NPAS3: variants seen among roughly 807,000 people sequenced by gnomAD.
NPAS3 encodes the protein neuronal PAS domain protein 3, also known as neuronal PAS domain-containing protein 3.
A neutral mutation model predicts 73.1 loss-of-function variants in NPAS3; 14 were observed. The observed-to-expected ratio is 0.19, with a 90% CI of 0.13 to 0.30. The LOEUF is 0.30. Ranked by LOEUF, NPAS3 falls within the 10% of genes least tolerant of loss-of-function variation. The probability of loss-of-function intolerance (pLI) is 1.00; values close to 1 mark genes in which losing one functional copy is unlikely to be tolerated. For missense variants in NPAS3, 1,096 were observed against 1,250.0 expected (o/e 0.88, Z 1.86); for synonymous variants, 620 against 541.5 (o/e 1.14, Z -2.01).
At chr14:33,171,046 T>G (rs1401854814) in intron 2 of NPAS3, among the ~76,000 whole-genome samples, 1 of 152,232 alleles carries the variant, frequency 6.6e-6, no homozygotes, top group African/African-American at 2.4e-5. Flanking sequence ...ATGCATTTTT[T>G]AAGTAGTAAG....
chr14:33,776,584 A>C (rs1479908651), intron 8 of NPAS3, among the ~76,000 whole-genome samples: 1 of 142,560 alleles, frequency 7.0e-6, no homozygotes, highest in Non-Finnish European at 1.5e-5. Context: ...CCCCTTTATT[A>C]GCCAATACAA....
intron 9 of NPAS3, among the ~76,000 whole-genome samples, chr14:33,779,067 A>G (rs888875854): frequency 5.3e-5 from 8 of 152,256 alleles, no homozygotes; most frequent in Admixed American, 6.5e-5. Context: ...TTGTGTGGAC[A>G]CAGCAGCTCT....
intron 2 of NPAS3, among the ~76,000 whole-genome samples, chr14:33,084,221 A>G (rs1404803015): frequency 2.6e-5 from 4 of 152,238 alleles, no homozygotes; most frequent in African/African-American, 9.6e-5. Context: ...AGTTTGAATT[A>G]AGGCTAGTCC....
chr14:33,445,930 C>T (rs933823810), intron 4 of NPAS3, among the ~76,000 whole-genome samples: 2 of 122,954 alleles, frequency 1.6e-5, no homozygotes, highest in Non-Finnish European at 3.3e-5. Flanking sequence ...AGGAGTGTTG[C>T]ACTTTTTTTT....
intron 9 of NPAS3, among the ~76,000 whole-genome samples, chr14:33,784,155 C>T (rs540267311): frequency 6.6e-6 from 1 of 152,278 alleles, no homozygotes; most frequent in African/African-American, 2.4e-5. Flanking sequence ...AAAGATCTTA[C>T]CGTTTTTTTC....
At chr14:33,244,401 A>G (rs1483599056) in intron 3 of NPAS3, among the ~76,000 whole-genome samples, 3 of 152,056 alleles carry the variant, frequency 2.0e-5, no homozygotes. Context: ...GCAGTTGGGC[A>G]TTTGGAACTA....
chr14:33,756,588 T>G (rs2062122413), intron 7 of NPAS3, among the ~76,000 whole-genome samples: 1 of 152,204 alleles, frequency 6.6e-6, no homozygotes, highest in Non-Finnish European at 1.5e-5. Context: ...TCATCTCTCT[T>G]AGCCTCCAGC....
chr14:33,363,920 C>CTGTGTGTGTGTGTGTG (rs1358331553), intron 3 of NPAS3, among the ~76,000 whole-genome samples: 2 of 25,558 alleles, frequency 7.8e-5, no homozygotes, highest in African/African-American at 1.9e-4. Context: ...TAGCAATGCC[C>CTGTGTGTGTGTGTGTG]TCTGTGTGTG....
intron 4 of NPAS3, among the ~76,000 whole-genome samples, chr14:33,370,500 G>A (rs2046040107): frequency 6.6e-6 from 1 of 152,066 alleles, no homozygotes; most frequent in African/African-American, 2.4e-5. Context: ...AGAGATTATA[G>A]GAGCCATATT....
chr14:33,180,643 C>A (rs1343845665), intron 2 of NPAS3, among the ~76,000 whole-genome samples: 2 of 151,356 alleles, frequency 1.3e-5, no homozygotes, highest in Non-Finnish European at 3.0e-5. Context: ...ATTAAAAATA[C>A]AAAAAATTAG....
chr14:33,739,905 C>G (rs530953290), intron 7 of NPAS3, among the ~76,000 whole-genome samples: 1 of 152,246 alleles, frequency 6.6e-6, no homozygotes, highest in Admixed American at 6.5e-5. Flanking sequence ...ACCTTTCTGC[C>G]ACACTTTCAC....
chr14:33,682,597 T>A (rs1022003223), intron 6 of NPAS3, among the ~76,000 whole-genome samples: 3 of 152,200 alleles, frequency 2.0e-5, no homozygotes, highest in Admixed American at 6.5e-5. Flanking sequence ...CATTTTTTCA[T>A]GAGCGAAGTA....
intron 7 of NPAS3, among the ~76,000 whole-genome samples, chr14:33,753,736 C>G (rs1263838550): frequency 2.0e-5 from 3 of 152,202 alleles, no homozygotes; most frequent in African/African-American, 7.2e-5. Flanking sequence ...GAGAACACTT[C>G]TTGGGGAAAG....
chr14:33,043,966 A>C (rs944462677), intron 1 of NPAS3, among the ~76,000 whole-genome samples: 1 of 152,182 alleles, frequency 6.6e-6, no homozygotes, highest in African/African-American at 2.4e-5. Flanking sequence ...TCTTTCACAC[A>C]TCTGCAAACA....
intron 10 of NPAS3, among the ~76,000 whole-genome samples, chr14:33,796,865 G>A (rs2063527209): frequency 1.3e-5 from 2 of 152,246 alleles, no homozygotes; most frequent in African/African-American, 4.8e-5. Flanking sequence ...ACAAGCCACA[G>A]GTGTACACCA....
chr14:32,967,193 C>A (rs1040415853), intron 1 of NPAS3, among the ~76,000 whole-genome samples: 3 of 152,088 alleles, frequency 2.0e-5, no homozygotes, highest in Non-Finnish European at 2.9e-5. Flanking sequence ...TGATAATGAC[C>A]TTTATCATGA....
At chr14:33,086,224 T>G (rs1186329099) in intron 2 of NPAS3, among the ~76,000 whole-genome samples, 4 of 152,196 alleles carry the variant, frequency 2.6e-5, no homozygotes, top group Non-Finnish European at 5.9e-5. Flanking sequence ...ACAAAAAATA[T>G]TTTTGCTTAC....
chr14:33,346,435 G>A (rs2044735413), intron 3 of NPAS3, among the ~76,000 whole-genome samples: 1 of 150,914 alleles, frequency 6.6e-6, no homozygotes, highest in South Asian at 2.1e-4. Flanking sequence ...AGGTGAGGTA[G>A]GAGGATCGCT....
At chr14:33,789,901 T>G (rs929474220) in intron 9 of NPAS3, among the ~76,000 whole-genome samples, 1 of 152,192 alleles carries the variant, frequency 6.6e-6, no homozygotes, top group African/African-American at 2.4e-5. Context: ...GAGTACAACT[T>G]TAAAGACATA....
Sources: gnomAD v4.1 joint callset for allele counts (sites outside exome capture counted in the v4.1 genomes callset) on GRCh38, gnomAD v4.1.1 for gene constraint, MANE v1.5 for transcripts, NCBI Gene and HGNC (gene_info 2026-07-23, HGNC 2026-07-21) for gene names.